The following CAMKMT variants were observed in gnomAD, a reference collection of about 807,000 sequenced individuals.
The protein encoded by CAMKMT is CaM KMT.
Under a neutral mutation model 48.0 loss-of-function variants are expected in CAMKMT, and 53 were observed. That is an observed-to-expected ratio of 1.10 (90% CI 0.89 to 1.39). CAMKMT has a LOEUF of 1.39. Among genes scored for constraint, CAMKMT ranks in the 40% most tolerant of loss-of-function variants. The pLI is 0.00. For missense variants in CAMKMT, 428 were observed against 402.7 expected (o/e 1.06, Z -0.54); for synonymous variants, 165 against 152.3 (o/e 1.08, Z -0.61).
At chr2:44,440,757 G>A (rs927998852) in intron 3 of CAMKMT, among the ~76,000 whole-genome samples, 9 of 152,066 alleles carry the variant, frequency 5.9e-5, no homozygotes, top group African/African-American at 2.2e-4. Context: ...ATTTTCCACA[G>A]TAGTATCACA....
intron 3 of CAMKMT, among the ~76,000 whole-genome samples, chr2:44,530,561 C>A (rs1217108851): frequency 6.6e-6 from 1 of 152,222 alleles, no homozygotes; most frequent in African/African-American, 2.4e-5. Context: ...TGTACTTTGT[C>A]AATGTTCAGT....
rs202009608 is a variant in CAMKMT at position 44,673,440 on chromosome 2, A to G, written c.377-30843A>G. 2.6e-4 allele frequency among the ~76,000 whole-genome samples: 39 copies of G among 149,238 alleles called. No homozygotes were observed. In the East Asian group the frequency reaches 7.2e-3, roughly 28 times the overall value. On this transcript the variant is annotated intron_variant, in intron 3 of 10. Transcript: ENST00000378494. ...TGAGACCCTGTTTAAAAAAAAAAAA[A>G]AAGAGAGAGAGAAAGAGAAAGAAAG... is the stretch of plus-strand genomic sequence containing the variant.
At position 44,469,453 on chromosome 2, in the gene CAMKMT, G is replaced by T. The variant is rs1229145698; in HGVS notation, c.376+79148G>T. Among the ~76,000 whole-genome samples, 5 of 151,168 alleles carry T rather than the reference G, an allele frequency of 3.3e-5. No individual in the cohort carries two copies. The East Asian group carries it at 9.7e-4, about 29-fold the overall frequency. On this transcript the variant is annotated intron_variant, in intron 3 of 10. Transcript: ENST00000378494. ...TGCGTAGCTTTAAGTATATTTCTTT[G>T]TTTATAAATTTTAGAAACATTTTCT...
intron 3 of CAMKMT, among the ~76,000 whole-genome samples, chr2:44,415,938 G>A (rs17032193): frequency 0.056 from 8,571 of 152,244 alleles, 302 homozygotes; most frequent in South Asian, 0.14. Flanking sequence ...TACTAATGTT[G>A]GCTAAGCTGC....
chr2:44,472,199 T>C (rs1159454281), intron 3 of CAMKMT, among the ~76,000 whole-genome samples: 1 of 152,074 alleles, frequency 6.6e-6, no homozygotes, highest in East Asian at 1.9e-4. Context: ...GCATCCCGAG[T>C]AGCTGGGACT....
In CAMKMT at chr2:44,657,448, T is replaced by C. The variant is rs1458421146; in HGVS notation, c.377-46835T>C. Among the ~76,000 whole-genome samples the C allele has an allele frequency of 2.6e-5, 4 of 152,196 alleles. No individual in the cohort carries two copies. Among genetic ancestry groups the C allele is most frequent in the Non-Finnish European group, 5.9e-5 (4 of 68,026 alleles). On this transcript the variant is annotated intron_variant, in intron 3 of 10. Coordinates refer to ENST00000378494, the MANE Select transcript of CAMKMT (RefSeq NM_024766.5). This position sits in a 1 kb window ranked among gnomAD's most constrained non-coding sequence, Gnocchi z 4.3. ...CTCTTCCACCCTCCCTATGAAAGGA[T>C]TGGCAGATCAGAAATTTGGTTACAT...
chr2:44,563,170 C>G (rs781626193), intron 3 of CAMKMT, among the ~76,000 whole-genome samples: 13 of 151,800 alleles, frequency 8.6e-5, no homozygotes, highest in South Asian at 8.4e-4. Flanking sequence ...AATAATCCTA[C>G]AATCCCACAA....
At chr2:44,446,392 G>A (rs908027298) in intron 3 of CAMKMT, among the ~76,000 whole-genome samples, 1 of 152,060 alleles carries the variant, frequency 6.6e-6, no homozygotes, top group African/African-American at 2.4e-5. Flanking sequence ...TGTCACCCAG[G>A]CTGGAGTGTA....
Position 44,445,936 on chromosome 2 carries a change from C to G in CAMKMT, c.376+55631C>G, listed in dbSNP as rs766833687. ...GATAGGCTTCTGACTGCCATTTTCC[C>G]CAAAACAAGACCCTCTGTCAGCAGG... On this transcript the variant is annotated intron_variant, in intron 3 of 10. Coordinates refer to ENST00000378494, the MANE Select transcript of CAMKMT (RefSeq NM_024766.5). 1.1e-4 allele frequency among the ~76,000 whole-genome samples: 16 copies of G among 151,990 alleles called. 1 individual carries two copies. The highest frequency in any genetic ancestry group is 7.2e-4 in the Admixed American group (11 of 15,258).
intron 3 of CAMKMT, among the ~76,000 whole-genome samples, chr2:44,526,401 T>C (rs766723426): frequency 7.2e-5 from 11 of 152,180 alleles, no homozygotes; most frequent in Non-Finnish European, 1.6e-4. Flanking sequence ...AGAGATTTAT[T>C]ATGAAGACTT....
At chr2:44,532,872 G>T (rs1666565565) in intron 3 of CAMKMT, among the ~76,000 whole-genome samples, 1 of 151,664 alleles carries the variant, frequency 6.6e-6, no homozygotes, top group Non-Finnish European at 1.5e-5. Flanking sequence ...GAGTACAGTG[G>T]TGTGATCACA....
chr2:44,530,212 T>C (rs550874180), intron 3 of CAMKMT, among the ~76,000 whole-genome samples: 16 of 152,324 alleles, frequency 1.1e-4, no homozygotes, highest in African/African-American at 3.6e-4. Context: ...ATCATACTTA[T>C]GATTTAAAAG....
chr2:44,632,594 A>G (rs1316714789), intron 3 of CAMKMT, among the ~76,000 whole-genome samples: 1 of 152,190 alleles, frequency 6.6e-6, no homozygotes, highest in Non-Finnish European at 1.5e-5. Context: ...CAGTACAGTG[A>G]TGGTTAATAC....
chr2:44,428,869 C>T (rs963475337), intron 3 of CAMKMT, among the ~76,000 whole-genome samples: 24 of 152,264 alleles, frequency 1.6e-4, no homozygotes, highest in Admixed American at 1.3e-3. Flanking sequence ...TCTCAAAGCA[C>T]GGGCAGAAGG....
intron 3 of CAMKMT, among the ~76,000 whole-genome samples, chr2:44,507,062 A>G (rs527378669): frequency 1.6e-5 from 2 of 122,026 alleles, no homozygotes; most frequent in South Asian, 5.8e-4. Flanking sequence ...AATTCATAAA[A>G]TTTGTGCAAT....
chr2:44,652,883 C>A (rs547101426), intron 3 of CAMKMT, among the ~76,000 whole-genome samples: 127 of 152,324 alleles, frequency 8.3e-4, no homozygotes, highest in African/African-American at 2.9e-3. Flanking sequence ...AGAGACCGAG[C>A]ATCTAAAGTG....
chr2:44,645,391 G>A (rs534913494), intron 3 of CAMKMT, among the ~76,000 whole-genome samples: 7 of 152,204 alleles, frequency 4.6e-5, no homozygotes, highest in Non-Finnish European at 7.3e-5. Context: ...AAGGATTAGT[G>A]TGAGGGTGAG....
chr2:44,666,854 C>T (rs888236769), intron 3 of CAMKMT, among the ~76,000 whole-genome samples: 15 of 152,078 alleles, frequency 9.9e-5, no homozygotes, highest in South Asian at 2.1e-4. Context: ...GTGATCTGCC[C>T]GCCTCGGCCT....
intron 3 of CAMKMT, among the ~76,000 whole-genome samples, chr2:44,678,625 C>T (rs1048257081): frequency 5.3e-5 from 8 of 152,176 alleles, no homozygotes; most frequent in Non-Finnish European, 1.0e-4. Flanking sequence ...CAGCAAAAAA[C>T]GGACAATACT....
Sources: allele counts gnomAD v4.1 joint callset (sites outside exome capture counted in the v4.1 genomes callset), GRCh38; gene constraint gnomAD v4.1.1; non-coding constraint Gnocchi (gnomAD v3.1); transcripts MANE v1.5; gene names NCBI Gene and HGNC (gene_info 2026-07-23, HGNC 2026-07-21).